The following SMYD3 variants were observed in gnomAD, a reference collection of about 807,000 sequenced individuals.
The protein encoded by SMYD3 is histone-lysine N-methyltransferase SMYD3.
SMYD3 carries 36 observed loss-of-function variants against 57.7 expected under a neutral mutation model. The ratio of observed to expected loss-of-function variants is 0.62; its 90% CI spans 0.48 to 0.82. The LOEUF (loss-of-function observed/expected upper bound fraction) is 0.82. SMYD3 is among the 40% of genes least tolerant of loss of function. The probability of loss-of-function intolerance (pLI) is 0.00; values close to 1 mark genes in which losing one functional copy is unlikely to be tolerated. For missense variants in SMYD3, 515 were observed against 538.8 expected (o/e 0.96, Z 0.44); for synonymous variants, 211 against 195.0 (o/e 1.08, Z -0.68).
intron 5 of SMYD3, chr1:246,326,128 T>C (rs1190239998): frequency 2.7e-6 from 1 of 368,374 alleles, no homozygotes; most frequent in Non-Finnish European, 4.8e-6. Flanking sequence ...TTACATTTAA[T>C]TTTTCAGAAA....
chr1:246,000,737 C>T (rs1274497113), intron 5 of SMYD3, among the ~76,000 whole-genome samples: 2 of 152,206 alleles, frequency 1.3e-5, no homozygotes, highest in Admixed American at 6.5e-5. Flanking sequence ...ACAAGGCCTA[C>T]AAGCCTTACA....
intron 5 of SMYD3, among the ~76,000 whole-genome samples, chr1:246,297,653 G>A (rs1346383550): frequency 1.3e-5 from 2 of 152,056 alleles, no homozygotes; most frequent in Non-Finnish European, 2.9e-5. Flanking sequence ...TAAATTTCTT[G>A]ACTAGAATAT....
At chr1:246,127,786 C>T (rs1427041422) in intron 5 of SMYD3, among the ~76,000 whole-genome samples, 2 of 152,074 alleles carry the variant, frequency 1.3e-5, no homozygotes, top group Admixed American at 6.5e-5. Flanking sequence ...ATCCCAGCTA[C>T]TCAGGAAGCT....
In SMYD3 at chr1:246,203,813, T is replaced by C. The variant is rs764572106; in HGVS notation, c.531+123388A>G. On this transcript the variant is annotated intron_variant, in intron 5 of 11. Transcript: ENST00000490107. The surrounding 1 kb of genome is among the most constrained non-coding windows in gnomAD (Gnocchi z 4.6). ...CTCCTGGCTCTTCTACCTCAGTCAA[T>C]AACATCCTCAAATCTTTTTCATATT... Among the ~76,000 whole-genome samples the C allele has an allele frequency of 1.3e-5, 2 of 152,158 alleles. No homozygotes were observed. The highest frequency in any genetic ancestry group is 1.9e-4 in the East Asian group (1 of 5,200).
intron 1 of SMYD3, among the ~76,000 whole-genome samples, chr1:246,437,154 C>T (rs148501081): frequency 6.6e-6 from 1 of 152,288 alleles, no homozygotes; most frequent in East Asian, 1.9e-4. Context: ...TCACCTCAGC[C>T]TCCCACAGTG....
Position 246,368,687 on chromosome 1 carries a change from G to C in SMYD3, c.165-13593C>G, listed in dbSNP as rs537058473. On this transcript the variant is annotated intron_variant, in intron 1 of 11. Transcript: ENST00000490107. ...ACATTTGAGTCAGTGGACTGGGAAA[G>C]GCAGACCCCCCCTCAACCTGGGTGG... Among the ~76,000 whole-genome samples the C allele has an allele frequency of 3.4e-4, 52 of 152,298 alleles. No individual in the cohort carries two copies. The East Asian group carries it at 4.2e-3, about 12-fold the overall frequency.
intron 10 of SMYD3, among the ~76,000 whole-genome samples, chr1:245,816,481 G>C (rs559980681): frequency 6.4e-5 from 9 of 140,156 alleles, no homozygotes; most frequent in African/African-American, 2.4e-4. Flanking sequence ...CCCAACTCAA[G>C]GTGCCATCTA....
chr1:245,984,780 A>G (rs2058670052), intron 5 of SMYD3, among the ~76,000 whole-genome samples: 1 of 152,182 alleles, frequency 6.6e-6, no homozygotes, highest in Admixed American at 6.5e-5. Context: ...AAACATGTTC[A>G]AATTTGTCAT....
At chr1:246,113,153 G>A (rs2061278579) in intron 5 of SMYD3, among the ~76,000 whole-genome samples, 1 of 151,796 alleles carries the variant, frequency 6.6e-6, no homozygotes, top group African/African-American at 2.4e-5. Context: ...CTGCCCTCCA[G>A]CCTGGGCAAC....
intron 5 of SMYD3, among the ~76,000 whole-genome samples, chr1:246,249,052 G>A (rs1169673131): frequency 6.6e-6 from 1 of 151,838 alleles, no homozygotes; most frequent in Non-Finnish European, 1.5e-5. Context: ...TTTTAAAATA[G>A]GTGATTACTG....
intron 10 of SMYD3, among the ~76,000 whole-genome samples, chr1:245,844,474 T>C (rs2050560141): frequency 6.6e-6 from 1 of 152,196 alleles, no homozygotes; most frequent in South Asian, 2.1e-4. Context: ...GAAGTAAAAA[T>C]AAAGTTTATC....
intron 10 of SMYD3, among the ~76,000 whole-genome samples, chr1:245,775,767 A>C (rs2046563574): frequency 6.6e-6 from 1 of 152,076 alleles, no homozygotes; most frequent in Admixed American, 6.5e-5. Context: ...AGCTGTATAA[A>C]CTGTCTCTCA....
chr1:246,247,503 C>CATATATATATAT (rs150218563), intron 5 of SMYD3, among the ~76,000 whole-genome samples: 38 of 144,210 alleles, frequency 2.6e-4, no homozygotes, highest in African/African-American at 9.6e-4. Flanking sequence ...ACATGGGACT[C>CATATATATATAT]ATATATATAT....
chr1:246,322,105 C>A (rs1366083575), intron 5 of SMYD3, among the ~76,000 whole-genome samples: 1 of 152,232 alleles, frequency 6.6e-6, no homozygotes, highest in East Asian at 1.9e-4. Context: ...GTGGCTCACA[C>A]CAGTAATCCC....
At chr1:246,481,156 T>G (rs1430569726) in intron 1 of SMYD3, among the ~76,000 whole-genome samples, 3 of 152,168 alleles carry the variant, frequency 2.0e-5, no homozygotes, top group African/African-American at 7.2e-5. Context: ...ACACATAGAC[T>G]ATAGATGTAA....
chr1:246,089,598 T>A (rs1466212365), intron 5 of SMYD3, among the ~76,000 whole-genome samples: 14 of 152,138 alleles, frequency 9.2e-5, no homozygotes, highest in Admixed American at 9.2e-4. Context: ...TTGTTGAAGA[T>A]TTTGGTTTCT....
rs1273798381 is a variant in SMYD3, at chr1:246,332,287, G to A, written c.337-1750C>T. On this transcript the variant is annotated intron_variant, in intron 3 of 11. Transcript: ENST00000490107. Reference sequence around the variant, plus strand: ...CCATGAACACATGAGTGATAAGAAAGCACAACAGTCTTATTGCTAATCTAG... The same window carrying A: ...CCATGAACACATGAGTGATAAGAAAACACAACAGTCTTATTGCTAATCTAG... Among the ~76,000 whole-genome samples the A allele has an allele frequency of 2.6e-5, 4 of 152,160 alleles. No homozygotes were observed. The East Asian group carries it at 7.7e-4, about 29-fold the overall frequency.
chr1:246,258,210 T>C (rs2063933621), intron 5 of SMYD3, among the ~76,000 whole-genome samples: 5 of 152,126 alleles, frequency 3.3e-5, no homozygotes, highest in Admixed American at 3.3e-4. Context: ...CTAATTTTTG[T>C]ATTTTTAGTA....
At chr1:246,050,648 G>A (rs1392429970) in intron 5 of SMYD3, among the ~76,000 whole-genome samples, 1 of 152,144 alleles carries the variant, frequency 6.6e-6, no homozygotes, top group African/African-American at 2.4e-5. Flanking sequence ...TTTGTAAGCA[G>A]GTTAGAACTA....
Sources: allele counts gnomAD v4.1 joint callset (sites outside exome capture counted in the v4.1 genomes callset), GRCh38; gene constraint gnomAD v4.1.1; non-coding constraint Gnocchi (gnomAD v3.1); transcripts MANE v1.5; gene names NCBI Gene and HGNC (gene_info 2026-07-23, HGNC 2026-07-21).